The following COL14A1 variants were observed in gnomAD, a reference collection of about 807,000 sequenced individuals.
COL14A1 encodes the protein collagen type XIV alpha 1 chain, also known as collagen alpha-1(XIV) chain.
In COL14A1, 136 loss-of-function variants were observed where a neutral mutation model predicts 230.3. The observed-to-expected ratio is 0.59, with a 90% CI of 0.51 to 0.68. COL14A1 has a LOEUF of 0.68. COL14A1 is among the 30% of genes least tolerant of loss of function. The pLI is 0.00. For missense variants in COL14A1, 1,976 were observed against 2,215.8 expected, an observed-to-expected ratio of 0.89 and a Z score of 2.17; for synonymous variants, 792 against 784.1, an observed-to-expected ratio of 1.01 and a Z score of -0.17.
rs1349657902 is a variant in COL14A1 at position 120,298,596 on chromosome 8, T to TA, written c.4314+1008_4314+1009insA. Among the ~76,000 whole-genome samples the TA allele has an allele frequency of 7.3e-5, 5 of 68,130 alleles. 1 individual carries two copies. Among genetic ancestry groups the TA allele is most frequent in the South Asian group, 1.2e-3 (2 of 1,618 alleles). The allele number at this position is 68,130 out of a possible 152,430, so 44.7% of individuals were successfully genotyped here. ...ATGGGATGTGTGTATACCCATATAT[T>TA]TTATATATATATATATATATATATA... On this transcript the variant is annotated intron_variant, in intron 35 of 47. Coordinates refer to ENST00000297848, the MANE Select transcript of COL14A1 (RefSeq NM_021110.4).
chr8:120,341,285 G>A (rs917681343), intron 42 of COL14A1, 40 bp from the exon 43 acceptor site: 2 of 1,600,084 alleles, frequency 1.2e-6, no homozygotes, highest in East Asian at 2.2e-5. Flanking sequence ...TTAGCTAAGT[G>A]CAATATCATA....
chr8:120,150,363 G>C (rs1815241457), intron 2 of COL14A1, among the ~76,000 whole-genome samples: 1 of 152,146 alleles, frequency 6.6e-6, no homozygotes. Flanking sequence ...CCATGAAATA[G>C]GTGTTGAAGG....
At chr8:120,339,499 A>C (rs1563746346) in intron 42 of COL14A1, among the ~76,000 whole-genome samples, 1 of 152,144 alleles carries the variant, frequency 6.6e-6, no homozygotes, top group Non-Finnish European at 1.5e-5. Context: ...CTGCTTCTGA[A>C]TAACGACCAT....
intron 23 of COL14A1, among the ~76,000 whole-genome samples, chr8:120,255,783 GTT>G (rs80323709): frequency 1.4e-5 from 2 of 146,648 alleles, no homozygotes; most frequent in Admixed American, 1.4e-4. Context: ...TTTTCTTAGT[GTT>G]TTTTTTTTTC....
chr8:120,265,407 CA>C (rs1300839795), intron 24 of COL14A1, among the ~76,000 whole-genome samples: 1 of 151,714 alleles, frequency 6.6e-6, no homozygotes, highest in South Asian at 2.1e-4. Context: ...ATCCTAGTTA[CA>C]AAAAAAATTT....
At chr8:120,289,796 A>G (rs1425652265) in intron 34 of COL14A1, 30 bp downstream of exon 34, 7 of 1,594,568 alleles carry the variant, frequency 4.4e-6, no homozygotes, top group East Asian at 2.3e-5. Context: ...AAGCTGTGTT[A>G]TTGTTAAGGG....
intron 19 of COL14A1, among the ~76,000 whole-genome samples, chr8:120,240,174 T>G (rs1209122434): frequency 2.8e-5 from 3 of 108,572 alleles, no homozygotes; most frequent in African/African-American, 1.4e-4. Context: ...TTATTTGCTT[T>G]GCAAAACTGT....
intron 21 of COL14A1, 97 bp from the exon 22 acceptor site, chr8:120,250,520 C>A: frequency 7.6e-7 from 1 of 1,308,758 alleles, no homozygotes; most frequent in Non-Finnish European, 1.1e-6. Flanking sequence ...TAATCCCAGG[C>A]AACTGAAAAG....
At chr8:120,253,840 C>T (rs1819052663) in intron 22 of COL14A1, among the ~76,000 whole-genome samples, 1 of 152,130 alleles carries the variant, frequency 6.6e-6, no homozygotes, top group African/African-American at 2.4e-5. Flanking sequence ...AGGAGAATCG[C>T]CTGTACCCAG....
chr8:120,143,929 T>G (rs1815003369), intron 1 of COL14A1, among the ~76,000 whole-genome samples: 1 of 152,146 alleles, frequency 6.6e-6, no homozygotes, highest in Non-Finnish European at 1.5e-5. Flanking sequence ...ACACCTAGAA[T>G]AGTATTCTCA....
rs1300542796 is a variant in COL14A1 at position 120,287,747 on chromosome 8, T to G, written c.4077+1777T>G. ...AAAAAAATTCAAAAAAGGCTTCTCA[T>G]GTGACAAAATACTTTATAATAGACC... On this transcript the variant is annotated intron_variant, in intron 33 of 47. Coordinates refer to ENST00000297848, the MANE Select transcript of COL14A1 (RefSeq NM_021110.4). Among the ~76,000 whole-genome samples the G allele has an allele frequency of 3.9e-5, 6 of 152,284 alleles. No individual in the cohort carries two copies. In the East Asian group the frequency reaches 1.2e-3, roughly 29 times the overall value.
rs35061319 is a variant in COL14A1 at position 120,131,368 on chromosome 8, GTT to G, written c.-38+6040_-38+6041del. On this transcript the variant is annotated intron_variant, in intron 1 of 47. Transcript: ENST00000297848. ...AGCATTTCCTTTTCTCTGCAAATCT[GTT>G]TTTTTTTTTTTGACTTTTTAATGAT... Among the ~76,000 whole-genome samples, 704 of 143,310 alleles carry G rather than the reference GTT, an allele frequency of 4.9e-3. 4 individuals carry two copies. Among genetic ancestry groups the G allele is most frequent in the African/African-American group, 0.013 (506 of 38,514 alleles). The allele number at this position is 143,310 out of a possible 152,430, so 94.0% of individuals were successfully genotyped here.
In COL14A1 at chr8:120,288,152, G is replaced by A. The variant is rs145152346; in HGVS notation, c.4078-1456G>A. On this transcript the variant is annotated intron_variant, in intron 33 of 47. Transcript: ENST00000297848. The stretch of plus-strand genomic sequence containing the variant: ...TCTGTAATCTATAATATTGGAAAGT[G>A]TTCTAAGGCTCAAAAACACATAAGA... 2.8e-3 allele frequency among the ~76,000 whole-genome samples: 426 copies of A among 152,196 alleles called. 2 individuals carry two copies. The highest frequency in any genetic ancestry group is 9.4e-3 in the African/African-American group (392 of 41,556).
At chr8:120,194,945 A>T (rs1816976590) in intron 5 of COL14A1, among the ~76,000 whole-genome samples, 1 of 152,190 alleles carries the variant, frequency 6.6e-6, no homozygotes, top group Non-Finnish European at 1.5e-5. Context: ...GTGGTACAGT[A>T]GGGTTGACTC....
At chr8:120,190,618 A>T (rs961038255) in intron 5 of COL14A1, among the ~76,000 whole-genome samples, 3 of 152,088 alleles carry the variant, frequency 2.0e-5, no homozygotes, top group African/African-American at 7.2e-5. Flanking sequence ...CTCTGGTAGA[A>T]TTGCCAGCTC....
intron 42 of COL14A1, 107 bp from the exon 43 acceptor site, chr8:120,341,218 T>G: frequency 9.2e-7 from 1 of 1,081,588 alleles, no homozygotes; most frequent in East Asian, 2.4e-5. Flanking sequence ...GCTGCAGAAT[T>G]ACTGGTGCTA....
intron 23 of COL14A1, among the ~76,000 whole-genome samples, chr8:120,258,000 G>A (rs1259766719): frequency 6.6e-6 from 1 of 152,140 alleles, no homozygotes; most frequent in East Asian, 1.9e-4. Context: ...TTTCATCTAA[G>A]TCTATTAACT....
intron 45 of COL14A1, among the ~76,000 whole-genome samples, chr8:120,363,871 A>G (rs766172219): frequency 5.9e-5 from 9 of 152,214 alleles, no homozygotes; most frequent in Admixed American, 3.9e-4. Context: ...CTCAACAAGT[A>G]TTTGTGTTAT....
At chr8:120,172,687 C>A (rs1816133529) in intron 5 of COL14A1, among the ~76,000 whole-genome samples, 1 of 151,598 alleles carries the variant, frequency 6.6e-6, no homozygotes, top group African/African-American at 2.4e-5. Flanking sequence ...GACAGTTTTC[C>A]CCCCACACAG....
Sources: allele counts gnomAD v4.1 joint callset (sites outside exome capture counted in the v4.1 genomes callset), GRCh38; gene constraint gnomAD v4.1.1; transcripts MANE v1.5; gene names NCBI Gene and HGNC (gene_info 2026-07-23, HGNC 2026-07-21).